NAP1L1: variants seen among roughly 807,000 people sequenced by gnomAD.
The protein encoded by NAP1L1 is nucleosome assembly protein 1-like 1.
In NAP1L1, 9 loss-of-function variants were observed where a neutral mutation model predicts 58.9. The ratio of observed to expected loss-of-function variants is 0.15; its 90% CI spans 0.09 to 0.27. NAP1L1 has a LOEUF of 0.27. NAP1L1 is among the 10% of genes least tolerant of loss of function. NAP1L1 has a pLI of 1.00. For missense variants in NAP1L1, 302 were observed against 458.8 expected, an observed-to-expected ratio of 0.66 and a Z score of 3.12; for synonymous variants, 130 against 138.3, an observed-to-expected ratio of 0.94 and a Z score of 0.42.
chr12:76,048,422 T>G lies in NAP1L1; in HGVS notation c.*7A>C. 1.2e-6 allele frequency: 2 copies of G among 1,613,364 alleles called. No homozygotes were observed. The highest frequency in any genetic ancestry group is 2.2e-5 in the South Asian group (2 of 91,046). ...CAGGTTATCCTCAAGGCCACATACA[T>G]CCTGCTTCACTGCTGCTTGCACTCT... is the stretch of plus-strand genomic sequence containing the variant. On this transcript the variant is annotated 3_prime_UTR_variant, in exon 15 of 15. Coordinates refer to ENST00000618691, the MANE Select transcript of NAP1L1 (RefSeq NM_004537.7).
At chr12:76,072,709 T>C (rs1950012264) in intron 2 of NAP1L1, among the ~76,000 whole-genome samples, 1 of 152,124 alleles carries the variant, frequency 6.6e-6, no homozygotes, top group Non-Finnish European at 1.5e-5. Context: ...CACACACAAA[T>C]GGTTAGTTAC....
chr12:76,074,653 C>T (rs923727566), intron 1 of NAP1L1, among the ~76,000 whole-genome samples: 1 of 152,166 alleles, frequency 6.6e-6, no homozygotes, highest in Non-Finnish European at 1.5e-5. Context: ...CATCTTAAAT[C>T]CATTTATCCA....
At chr12:76,074,302 C>A in intron 1 of NAP1L1, 63 bp from the exon 2 acceptor site, 1 of 1,480,170 alleles carries the variant, frequency 6.8e-7, no homozygotes, top group Non-Finnish European at 8.9e-7. Flanking sequence ...AAATAAGAAA[C>A]CAAAACCCTT....
chr12:76,067,619 A>G, intron 3 of NAP1L1, 146 bp from the exon 4 acceptor site: 2 of 564,406 alleles, frequency 3.5e-6, no homozygotes, highest in Non-Finnish European at 6.3e-6. Context: ...AGGGAAAGCT[A>G]AAGAGAATAC....
chr12:76,038,708 A>G lies in NAP1L1; in HGVS notation c.*9721T>C, dbSNP rs1474617545. 1 of 152,202 alleles carries G rather than the reference A, an allele frequency of 6.6e-6. No homozygotes were observed. The highest frequency in any genetic ancestry group is 2.4e-5 in the African/African-American group (1 of 41,444). The allele number at this position is 152,202 out of a possible 1,614,324, so 9.4% of individuals were successfully genotyped here. The stretch of plus-strand genomic sequence containing the variant: ...AGAAAGGTGGAATAACACTTTTACA[A>G]GAAGATAAAACCCAGGAAATGTTTA... On this transcript the variant is annotated 3_prime_UTR_variant, in exon 15 of 15. Coordinates refer to ENST00000618691, the MANE Select transcript of NAP1L1 (RefSeq NM_004537.7).
At position 76,067,578 on chromosome 12, in the gene NAP1L1, T is replaced by TCTAA. The variant is rs1565736814; in HGVS notation, c.104-106_104-105insTTAG. On this transcript the variant is annotated intron_variant, in intron 3 of 14. Transcript: ENST00000618691. ...GAAGTTTTCCTAACTGGCCCATAAA[T>TCTAA]TGCTGGTATATCTAATGAGTAGAGA... 120 of 827,522 alleles carry TCTAA rather than the reference T, an allele frequency of 1.5e-4. 1 individual carries two copies. Among genetic ancestry groups the TCTAA allele is most frequent in the Middle Eastern group, 9.2e-4 (4 of 4,344 alleles). 51.3% of individuals were successfully genotyped at this position (827,522 alleles called of 1,614,324 possible).
At chr12:76,057,888 T>G in intron 6 of NAP1L1, 1 of 1,359,102 alleles carries the variant, frequency 7.4e-7, no homozygotes, top group Non-Finnish European at 1.0e-6. Context: ...AAGGTTACTA[T>G]AGCCAAAATT....
At chr12:76,075,288 G>T (rs1299007533) in intron 1 of NAP1L1, among the ~76,000 whole-genome samples, 1 of 152,080 alleles carries the variant, frequency 6.6e-6, no homozygotes, top group African/African-American at 2.4e-5. Context: ...GCCTGCCTGG[G>T]AAATACAGCA....
chr12:76,049,873 G>A, intron 12 of NAP1L1, 88 bp from the exon 13 acceptor site: 1 of 1,440,834 alleles, frequency 6.9e-7, no homozygotes, highest in Admixed American at 1.8e-5. Context: ...GTATAAACTA[G>A]TGTCTAAAAA....
Position 76,084,049 on chromosome 12 carries a change from G to C in NAP1L1, c.-21+518C>G, listed in dbSNP as rs370022748. 29 of 148,772 alleles carry C rather than the reference G, an allele frequency of 1.9e-4. No homozygotes were observed. The East Asian group carries it at 5.1e-3, about 26-fold the overall frequency. The allele number at this position is 148,772 out of a possible 1,614,324, so 9.2% of individuals were successfully genotyped here. On this transcript the variant is annotated intron_variant, in intron 1 of 14. Transcript: ENST00000618691. The stretch of plus-strand genomic sequence containing the variant: ...CGCCCCCTCCCCGCCTCGGGGACTC[G>C]TCCCTCCACAGCCCCTCCCTCCCGT...
In NAP1L1 at chr12:76,046,992, C is replaced by T. The variant is rs1385497130; in HGVS notation, c.*1437G>A. 6.6e-6 allele frequency: 1 copy of T among 152,392 alleles called. No individual in the cohort carries two copies. Among genetic ancestry groups the T allele is most frequent in the Non-Finnish European group, 1.5e-5 (1 of 67,934 alleles). 9.4% of individuals were successfully genotyped at this position (152,392 alleles called of 1,614,324 possible). A position where few individuals can be genotyped will look rare whatever the true frequency, so the allele number is the denominator to read the frequency against. On this transcript the variant is annotated 3_prime_UTR_variant, in exon 15 of 15. Transcript: ENST00000618691. Reference sequence around the variant, plus strand: ...GGACCTTGTGAAATAGTGCATCCCTCCACTTCTATAAAAATAGGAGCCACA... The same window carrying T: ...GGACCTTGTGAAATAGTGCATCCCTTCACTTCTATAAAAATAGGAGCCACA...
In NAP1L1 at chr12:76,058,075, AAC is replaced by A. The variant is rs1284077933; in HGVS notation, c.429+1721_429+1722del. The A allele has an allele frequency of 3.9e-6, 3 of 765,062 alleles. No homozygotes were observed. In the African/African-American group the frequency reaches 5.1e-5, roughly 13 times the overall value. The allele number at this position is 765,062 out of a possible 1,614,324, so 47.4% of individuals were successfully genotyped here. On this transcript the variant is annotated intron_variant, in intron 6 of 14. Coordinates refer to ENST00000618691, the MANE Select transcript of NAP1L1 (RefSeq NM_004537.7). ...GACATAATTGAGGTCATTCAGGAAAAACAGACAGAAGTAGATGATGACAGCAT... is the reference window on the plus strand; with the variant it reads ...GACATAATTGAGGTCATTCAGGAAAAAGACAGAAGTAGATGATGACAGCAT...
rs1158035522 is a variant in NAP1L1, at chr12:76,049,055, C to T, written c.1140+145G>A. ...GAAATTATGTGTACTGTTCACAATG[C>T]CAGTGGGACTGAAAAAACAAAGTTA... On this transcript the variant is annotated intron_variant, in intron 14 of 14. Transcript: ENST00000618691. 3.0e-5 allele frequency: 22 copies of T among 724,276 alleles called. No individual in the cohort carries two copies. In the South Asian group the frequency reaches 3.1e-4, roughly 10 times the overall value. 44.9% of individuals were successfully genotyped at this position (724,276 alleles called of 1,614,324 possible). A position where few individuals can be genotyped will look rare whatever the true frequency, so the allele number is the denominator to read the frequency against.
chr12:76,078,118 C>T (rs1485263032), intron 1 of NAP1L1, among the ~76,000 whole-genome samples: 2 of 151,240 alleles, frequency 1.3e-5, no homozygotes, highest in Non-Finnish European at 1.5e-5. Flanking sequence ...GAGGGCAAAA[C>T]AGGAGCAGAA....
intron 8 of NAP1L1, 53 bp from the exon 9 acceptor site, chr12:76,053,962 T>A (rs566357111): frequency 6.5e-7 from 1 of 1,535,778 alleles, no homozygotes; most frequent in Non-Finnish European, 8.8e-7. Context: ...CATATTTCAG[T>A]ACTTTAGTAA....
In NAP1L1 at chr12:76,050,753, A is replaced by G. The variant is rs562858489; in HGVS notation, c.937-100T>C. 4.0e-5 allele frequency: 52 copies of G among 1,305,602 alleles called. No individual in the cohort carries two copies. In the African/African-American group the frequency reaches 7.2e-4, roughly 18 times the overall value. 80.9% of individuals were successfully genotyped at this position (1,305,602 alleles called of 1,614,324 possible). A position where few individuals can be genotyped will look rare whatever the true frequency, so the allele number is the denominator to read the frequency against. ...TAGAGGCTGGGTGTGATGGCTCACA[A>G]CTGTAGTCCCAACACTTCAGGAGGC... On this transcript the variant is annotated intron_variant, in intron 11 of 14. Transcript: ENST00000618691.
chr12:76,062,644 GA>G (rs1339420083), intron 4 of NAP1L1, among the ~76,000 whole-genome samples: 1 of 152,154 alleles, frequency 6.6e-6, no homozygotes, highest in African/African-American at 2.4e-5. Flanking sequence ...AGAGAAACAG[GA>G]TAGATTCGAC....
chr12:76,067,880 A>T (rs1332433874), intron 3 of NAP1L1, among the ~76,000 whole-genome samples: 2 of 152,230 alleles, frequency 1.3e-5, no homozygotes, highest in Non-Finnish European at 2.9e-5. Context: ...TTTTAGGCCC[A>T]GGAGAAAGAT....
At chr12:76,077,250 T>C (rs1282454329) in intron 1 of NAP1L1, among the ~76,000 whole-genome samples, 1 of 152,184 alleles carries the variant, frequency 6.6e-6, no homozygotes, top group African/African-American at 2.4e-5. Flanking sequence ...CAGGAGGCAT[T>C]TACTCCTCCA....
Sources: gnomAD v4.1 joint callset for allele counts (sites outside exome capture counted in the v4.1 genomes callset) on GRCh38, gnomAD v4.1.1 for gene constraint, MANE v1.5 for transcripts, NCBI Gene and HGNC (gene_info 2026-07-23, HGNC 2026-07-21) for gene names.